The following VWA8 variants were observed in gnomAD, a reference collection of about 807,000 sequenced individuals.
VWA8 encodes von Willebrand factor A domain containing 8.
In VWA8, 221 loss-of-function variants were observed where a neutral mutation model predicts 241.5. The ratio of observed to expected loss-of-function variants is 0.91; its 90% CI spans 0.82 to 1.02. VWA8 has a LOEUF of 1.02. Among genes scored for constraint, VWA8 ranks in the 50% least tolerant of loss-of-function variants. The pLI is 0.00. For synonymous variants in VWA8, 852 were observed against 827.1 expected, an observed-to-expected ratio of 1.03 and a Z score of -0.52; for missense variants, 2,322 against 2,328.7, an observed-to-expected ratio of 1.00 and a Z score of 0.06.
chr13:41,733,965 T>C (rs1263250451), intron 21 of VWA8, among the ~76,000 whole-genome samples: 2 of 152,322 alleles, frequency 1.3e-5, no homozygotes, highest in African/African-American at 2.4e-5. Flanking sequence ...GATCATTGGA[T>C]TTTGTTTTTA....
chr13:41,889,471 T>C (rs2324837), intron 5 of VWA8, among the ~76,000 whole-genome samples: 123,305 of 151,594 alleles, frequency 0.81, 50,993 homozygotes, highest in East Asian at 1. Context: ...CTCAGCCTCC[T>C]GGGTTCAAGC....
intron 37 of VWA8, among the ~76,000 whole-genome samples, chr13:41,667,829 T>C (rs942655882): frequency 2.6e-5 from 4 of 152,228 alleles, no homozygotes; most frequent in African/African-American, 7.2e-5. Context: ...TTCTTAATAA[T>C]GGTCTCTTAA....
At position 41,891,469 on chromosome 13, in the gene VWA8, T is replaced by G; in HGVS notation, c.602A>C (p.Glu201Ala). ...NLLENREMQL[E>A]DGRFLMSAER... is the part of the protein sequence containing the mutation. ...AGCAGACATCAGGAAGCGTCCATCTTCAAGCTGCATCTCTCTGTTTTCCAG... is the reference window on the plus strand; with the variant it reads ...AGCAGACATCAGGAAGCGTCCATCTGCAAGCTGCATCTCTCTGTTTTCCAG... The change falls in exon 5 of 45, where the codon GAA becomes GCA. Residue 201 changes from glutamate to alanine, a missense_variant. By Grantham distance (107) the Glu-to-Ala change is moderately radical. Coordinates refer to ENST00000379310, the MANE Select transcript of VWA8 (RefSeq NM_015058.2). 1 of 1,614,218 alleles carries G rather than the reference T, an allele frequency of 6.2e-7. No homozygotes were observed. Among genetic ancestry groups the G allele is most frequent in the Non-Finnish European group, 8.5e-7 (1 of 1,180,032 alleles).
chr13:41,885,856 A>G (rs1044878965), intron 8 of VWA8, 64 bp downstream of exon 8: 3 of 1,168,086 alleles, frequency 2.6e-6, no homozygotes, highest in Non-Finnish European at 3.6e-6. Context: ...ATTAATCCCT[A>G]ATGATTAACT....
At chr13:41,762,890 T>C (rs2045750706) in intron 20 of VWA8, among the ~76,000 whole-genome samples, 2 of 152,092 alleles carry the variant, frequency 1.3e-5, no homozygotes, top group Admixed American at 6.6e-5. Flanking sequence ...ATAGGGCGTT[T>C]GGAAAGTACT....
intron 2 of VWA8, chr13:41,926,067 G>T: frequency 2.1e-6 from 1 of 468,910 alleles, no homozygotes; most frequent in South Asian, 2.7e-5. Flanking sequence ...GCAAGTCATG[G>T]TGAATCCCAG....
chr13:41,661,650 C>T (rs890866006), intron 37 of VWA8, among the ~76,000 whole-genome samples: 7 of 152,016 alleles, frequency 4.6e-5, no homozygotes, highest in African/African-American at 1.4e-4. Flanking sequence ...TTAAAGTATT[C>T]ATTTAAAATT....
At chr13:41,806,373 A>G (rs1870209999) in intron 17 of VWA8, among the ~76,000 whole-genome samples, 1 of 152,196 alleles carries the variant, frequency 6.6e-6, no homozygotes, top group Admixed American at 6.5e-5. Context: ...AGAGATAATA[A>G]ACATCAGAGC....
At chr13:41,573,384 C>T (rs2044323746) in intron 43 of VWA8, among the ~76,000 whole-genome samples, 1 of 149,034 alleles carries the variant, frequency 6.7e-6, no homozygotes, top group South Asian at 2.1e-4. Context: ...TGCCACTGCA[C>T]TCTAGCCTGA....
chr13:41,590,714 C>T lies in VWA8; in HGVS notation c.5038G>A (p.Asp1680Asn). Residue 1680 changes from aspartate to asparagine, a missense_variant, in exon 41 of 45, where the codon GAT becomes AAT. Coordinates refer to ENST00000379310, the MANE Select transcript of VWA8 (RefSeq NM_015058.2). ...WLRHQATGELDDAKIIDGLTG... is the reference protein window; with the variant it reads ...WLRHQATGELNDAKIIDGLTG... ...AGCCCATCAATGATCTTGGCATCAT[C>T]TAATTCTCCAGTAGCTTGATGTCTT... The T allele has an allele frequency of 2.5e-6, 4 of 1,614,106 alleles. No individual in the cohort carries two copies. The highest frequency in any genetic ancestry group is 4.5e-5 in the East Asian group (2 of 44,872).
At chr13:41,808,120 A>G (rs1266049822) in intron 17 of VWA8, 1 of 152,236 alleles carries the variant, frequency 6.6e-6, no homozygotes, top group Non-Finnish European at 1.5e-5. Context: ...GCCTGGCAAC[A>G]AAGTGAGACT....
intron 21 of VWA8, among the ~76,000 whole-genome samples, chr13:41,739,827 G>GTTTTTT: frequency 1.1e-5 from 1 of 88,984 alleles, no homozygotes; most frequent in South Asian, 4.7e-4. Context: ...TTGTTTTTTT[G>GTTTTTT]TTTTTTTTTT....
At position 41,909,483 on chromosome 13, in the gene VWA8, G is replaced by A. The variant is rs569416359; in HGVS notation, c.373-1787C>T. 1.7e-3 allele frequency among the ~76,000 whole-genome samples: 259 copies of A among 152,294 alleles called. 2 individuals are homozygous for A. Among genetic ancestry groups the A allele is most frequent in the African/African-American group, 5.7e-3 (238 of 41,562 alleles). ...AGAGAGCACAATTTTGGAGTAAAGT[G>A]GCAATTTCTCTTGTTGGCAGGTATT... On this transcript the variant is annotated intron_variant, in intron 3 of 44. Transcript: ENST00000379310.
At chr13:41,656,057 C>T (rs1007697327) in intron 37 of VWA8, among the ~76,000 whole-genome samples, 4 of 152,096 alleles carry the variant, frequency 2.6e-5, no homozygotes, top group South Asian at 2.1e-4. Context: ...ACAATAATGG[C>T]GACTATTTAC....
chr13:41,615,063 C>T lies in VWA8; in HGVS notation c.4633G>A (p.Gly1545Ser). ...TGTTTGGGGGAGCTTACATCTTCAC[C>T]ACTGTCTCTGTTGATTGTTATCTAA... is the stretch of plus-strand genomic sequence containing the variant. ...NMQITINRDS[G>S]EDVSSPKHGK... Residue 1545 changes from glycine to serine, a missense_variant, in exon 38 of 45, where the codon GGT becomes AGT. Coordinates refer to ENST00000379310, the MANE Select transcript of VWA8 (RefSeq NM_015058.2). 1 of 1,613,846 alleles carries T rather than the reference C, an allele frequency of 6.2e-7. No individual in the cohort carries two copies. The highest frequency in any genetic ancestry group is 8.5e-7 in the Non-Finnish European group (1 of 1,179,914).
chr13:41,740,120 G>T (rs2045558338), intron 21 of VWA8, among the ~76,000 whole-genome samples: 1 of 152,150 alleles, frequency 6.6e-6, no homozygotes, highest in Admixed American at 6.5e-5. Flanking sequence ...CTCCCAAAAT[G>T]CTGGGATTAC....
At chr13:41,634,414 C>T (rs891443803) in intron 37 of VWA8, among the ~76,000 whole-genome samples, 3 of 152,164 alleles carry the variant, frequency 2.0e-5, no homozygotes, top group Non-Finnish European at 2.9e-5. Flanking sequence ...TTCAGAAACA[C>T]ACTTTATACC....
At chr13:41,824,028 A>G (rs1437746285) in intron 14 of VWA8, among the ~76,000 whole-genome samples, 1 of 152,232 alleles carries the variant, frequency 6.6e-6, no homozygotes, top group Non-Finnish European at 1.5e-5. Flanking sequence ...AAGGTCAACT[A>G]AAACTGGATT....
intron 43 of VWA8, among the ~76,000 whole-genome samples, chr13:41,573,136 C>T (rs910871780): frequency 7.4e-5 from 11 of 148,062 alleles, no homozygotes; most frequent in Non-Finnish European, 3.0e-5. Context: ...AAGAAACAAG[C>T]CAGGCACGGT....
Sources: gnomAD v4.1 joint callset for allele counts (sites outside exome capture counted in the v4.1 genomes callset) on GRCh38, gnomAD v4.1.1 for gene constraint, MANE v1.5 for transcripts, NCBI Gene and HGNC (gene_info 2026-07-23, HGNC 2026-07-21) for gene names.